Variants in TENM2 observed in about 807,000 individuals in gnomAD.
TENM2 encodes teneurin transmembrane protein 2, also known as teneurin-2.
Under a neutral mutation model 245.2 loss-of-function variants are expected in TENM2, and 52 were observed. That is an observed-to-expected ratio of 0.21 (90% confidence interval 0.17 to 0.27). The LOEUF (loss-of-function observed/expected upper bound fraction) is 0.27. Among genes scored for constraint, TENM2 ranks in the 10% least tolerant of loss-of-function variants. The pLI is 1.00. For synonymous variants in TENM2, 1,363 were observed against 1,438.9 expected (o/e 0.95, Z 1.19); for missense variants, 3,046 against 3,666.8 (o/e 0.83, Z 4.37).
the TENM2 span, among the ~76,000 whole-genome samples, chr5:166,999,527 A>T: frequency 6.6e-6 from 1 of 152,138 alleles, no homozygotes; most frequent in Non-Finnish European, 1.5e-5. Context: ...TTGTTGAAAG[A>T]TGCTGAGCCC....
intron 12 of TENM2, among the ~76,000 whole-genome samples, chr5:168,138,620 G>A (rs995532844): frequency 2.0e-5 from 3 of 152,212 alleles, no homozygotes; most frequent in African/African-American, 7.2e-5. Context: ...ATTCAGCAGG[G>A]AGCACAGGGA....
chr5:168,155,400 GA>G (rs1479604717), intron 12 of TENM2, among the ~76,000 whole-genome samples: 1 of 28,894 alleles, frequency 3.5e-5, no homozygotes, highest in East Asian at 5.6e-3. Context: ...AACAGTTGGT[GA>G]AAGGGGGGGG....
At chr5:166,982,939 G>C in the TENM2 span, among the ~76,000 whole-genome samples, 1 of 152,088 alleles carries the variant, frequency 6.6e-6, no homozygotes, top group Non-Finnish European at 1.5e-5. Flanking sequence ...CTTATTTGCT[G>C]AGAGCAAATA....
chr5:167,654,365 C>T (rs750258966), intron 2 of TENM2, among the ~76,000 whole-genome samples: 3 of 152,184 alleles, frequency 2.0e-5, no homozygotes, highest in Non-Finnish European at 4.4e-5. Flanking sequence ...GAAGCACTCA[C>T]TTCCAGGTGC....
At chr5:167,298,794 A>G (rs945302291) in intron 1 of TENM2, among the ~76,000 whole-genome samples, 1 of 152,238 alleles carries the variant, frequency 6.6e-6, no homozygotes. Flanking sequence ...GTTTGGGGAT[A>G]GCACGAGGAG....
intron 2 of TENM2, among the ~76,000 whole-genome samples, chr5:167,556,843 T>C (rs1241047769): frequency 6.6e-6 from 1 of 152,176 alleles, no homozygotes; most frequent in African/African-American, 2.4e-5. Context: ...GTCTCACTTG[T>C]ATTTTAGGTG....
At chr5:167,274,977 C>G in the TENM2 span, among the ~76,000 whole-genome samples, 8 of 151,832 alleles carry the variant, frequency 5.3e-5, no homozygotes, top group Admixed American at 5.3e-4. Context: ...TTAACAGGGT[C>G]ATTTACCCTG....
intron 2 of TENM2, among the ~76,000 whole-genome samples, chr5:167,471,511 A>T (rs1260430493): frequency 6.6e-6 from 1 of 152,208 alleles, no homozygotes; most frequent in African/African-American, 2.4e-5. Flanking sequence ...TTAATCAGGT[A>T]CGCTGAAGTG....
At chr5:167,855,830 G>C (rs1274206243) in intron 2 of TENM2, among the ~76,000 whole-genome samples, 1 of 34,038 alleles carries the variant, frequency 2.9e-5, no homozygotes, top group East Asian at 5.1e-4. Context: ...AGGAAGGGAG[G>C]GAGAGAGGGA....
chr5:167,472,713 A>G (rs903977113), intron 2 of TENM2, among the ~76,000 whole-genome samples: 3 of 152,240 alleles, frequency 2.0e-5, no homozygotes, highest in Non-Finnish European at 4.4e-5. Flanking sequence ...AAGTTAGAAA[A>G]AAAACCTTCG....
At chr5:167,903,298 A>G (rs990352845) in intron 3 of TENM2, among the ~76,000 whole-genome samples, 18 of 152,136 alleles carry the variant, frequency 1.2e-4, no homozygotes, top group African/African-American at 4.3e-4. Context: ...TGTGGCCTCT[A>G]AGCTCACGAA....
At chr5:167,011,131 C>A in the TENM2 span, among the ~76,000 whole-genome samples, 1 of 152,154 alleles carries the variant, frequency 6.6e-6, no homozygotes. Context: ...ATGTTTAATT[C>A]TTTTTGGTCC....
chr5:167,162,540 A>G, the TENM2 span, among the ~76,000 whole-genome samples: 19 of 151,568 alleles, frequency 1.3e-4, no homozygotes, highest in Admixed American at 6.6e-4. Flanking sequence ...AGGCAGGAGA[A>G]TTGCTTGAAT....
chr5:167,086,359 G>A, the TENM2 span, among the ~76,000 whole-genome samples: 1 of 152,106 alleles, frequency 6.6e-6, no homozygotes, highest in Non-Finnish European at 1.5e-5. Context: ...TGGGATTCTG[G>A]GACATGCGTA....
chr5:167,047,901 G>A, the TENM2 span, among the ~76,000 whole-genome samples: 1 of 152,044 alleles, frequency 6.6e-6, no homozygotes, highest in Non-Finnish European at 1.5e-5. Context: ...CTAATGTTGG[G>A]TAACTTATCT....
At chr5:168,018,762 C>G (rs903382072) in intron 5 of TENM2, among the ~76,000 whole-genome samples, 1 of 152,294 alleles carries the variant, frequency 6.6e-6, no homozygotes, top group Non-Finnish European at 1.5e-5. Context: ...TAAGGACAGA[C>G]TTTGTCCTTT....
At chr5:167,466,406 T>C (rs144205807) in intron 2 of TENM2, among the ~76,000 whole-genome samples, 195 of 152,294 alleles carry the variant, frequency 1.3e-3, no homozygotes, top group Non-Finnish European at 2.5e-3. Flanking sequence ...CTAATATACA[T>C]AACAGAAAAG....
chr5:167,669,987 C>T (rs889183909), intron 2 of TENM2, among the ~76,000 whole-genome samples: 25 of 152,112 alleles, frequency 1.6e-4, no homozygotes, highest in African/African-American at 6.0e-4. Flanking sequence ...ACCCTAAATG[C>T]AATCAGGTTT....
chr5:167,495,167 G>C (rs1768725387), intron 2 of TENM2, among the ~76,000 whole-genome samples: 1 of 151,704 alleles, frequency 6.6e-6, no homozygotes, highest in African/African-American at 2.4e-5. Flanking sequence ...AAATAAACTA[G>C]TAAGAAATCA....
Sources: gnomAD v4.1 joint callset for allele counts (sites outside exome capture counted in the v4.1 genomes callset) on GRCh38, gnomAD v4.1.1 for gene constraint, MANE v1.5 for transcripts, NCBI Gene and HGNC (gene_info 2026-07-23, HGNC 2026-07-21) for gene names.